Variants in GALM observed in about 807,000 individuals in gnomAD.
GALM encodes the protein aldose 1-epimerase.
GALM carries 43 observed loss-of-function variants against 37.4 expected under a neutral mutation model. The observed-to-expected ratio is 1.15, with a 90% CI of 0.90 to 1.48. The LOEUF is 1.48. Among genes scored for constraint, GALM ranks in the 40% most tolerant of loss-of-function variants. The probability of loss-of-function intolerance (pLI) is 0.00; values close to 1 mark genes in which losing one functional copy is unlikely to be tolerated. For missense variants in GALM, 456 were observed against 419.1 expected, an observed-to-expected ratio of 1.09 and a Z score of -0.77; for synonymous variants, 199 against 170.6, an observed-to-expected ratio of 1.17 and a Z score of -1.30.
At chr2:38,711,805 A>G (rs113710394) in intron 4 of GALM, among the ~76,000 whole-genome samples, 1 of 150,510 alleles carries the variant, frequency 6.6e-6, no homozygotes, top group African/African-American at 2.4e-5. Context: ...CATCACCATC[A>G]CCATCATCAT....
intron 4 of GALM, among the ~76,000 whole-genome samples, chr2:38,693,498 A>G (rs569687717): frequency 8.8e-4 from 133 of 150,564 alleles, no homozygotes; most frequent in African/African-American, 2.4e-3. Flanking sequence ...AAAAAAAAAA[A>G]AGAGAGAGAG....
At chr2:38,730,849 G>T (rs986609308) in intron 5 of GALM, among the ~76,000 whole-genome samples, 6 of 151,702 alleles carry the variant, frequency 4.0e-5, no homozygotes, top group Non-Finnish European at 8.8e-5. Flanking sequence ...TGAACCCAGG[G>T]GGTGGAAGTT....
At chr2:38,683,454 G>A (rs568515160) in intron 3 of GALM, among the ~76,000 whole-genome samples, 2 of 152,188 alleles carry the variant, frequency 1.3e-5, no homozygotes, top group African/African-American at 2.4e-5. Flanking sequence ...ATACTTATTT[G>A]TTCAGCATTC....
At chr2:38,685,694 A>C (rs1053863877) in intron 3 of GALM, among the ~76,000 whole-genome samples, 3 of 151,666 alleles carry the variant, frequency 2.0e-5, no homozygotes, top group African/African-American at 7.3e-5. Context: ...TCATAAAAAG[A>C]AGCATGCATT....
chr2:38,700,243 C>A (rs1036899178), intron 4 of GALM, among the ~76,000 whole-genome samples: 1 of 152,140 alleles, frequency 6.6e-6, no homozygotes, highest in Non-Finnish European at 1.5e-5. Flanking sequence ...TGAACCACCG[C>A]GCTCAGCCTA....
intron 4 of GALM, among the ~76,000 whole-genome samples, chr2:38,691,081 C>T (rs974927088): frequency 1.3e-5 from 2 of 152,178 alleles, no homozygotes; most frequent in Non-Finnish European, 2.9e-5. Context: ...GGCAGAATTA[C>T]TGCAGTAGAA....
At chr2:38,698,500 A>C (rs1033993106) in intron 4 of GALM, 1 of 768,640 alleles carries the variant, frequency 1.3e-6, no homozygotes, top group Non-Finnish European at 1.9e-6. Context: ...CAGAGCAATT[A>C]TTCTTAGCTA....
At chr2:38,702,406 G>C (rs747756031) in intron 4 of GALM, among the ~76,000 whole-genome samples, 3 of 151,546 alleles carry the variant, frequency 2.0e-5, no homozygotes, top group Non-Finnish European at 4.4e-5. Flanking sequence ...AAACAAAAAT[G>C]ATCTCCGAGC....
intron 1 of GALM, among the ~76,000 whole-genome samples, chr2:38,673,727 G>A (rs1219519506): frequency 6.6e-6 from 1 of 151,034 alleles, no homozygotes; most frequent in Admixed American, 6.6e-5. Flanking sequence ...GGAGAATGGC[G>A]TGAACCTGGG....
chr2:38,704,248 G>A (rs959479276), intron 4 of GALM, among the ~76,000 whole-genome samples: 3 of 151,296 alleles, frequency 2.0e-5, no homozygotes, highest in Non-Finnish European at 2.9e-5. Context: ...ATCCAGGCTG[G>A]AGTGCAGTGG....
intron 1 of GALM, among the ~76,000 whole-genome samples, chr2:38,667,545 G>A (rs1664978890): frequency 6.6e-6 from 1 of 152,092 alleles, no homozygotes; most frequent in Non-Finnish European, 1.5e-5. Flanking sequence ...ACTCCAGCGT[G>A]GGTGGCAGAG....
At chr2:38,682,467 A>G (rs1192401659) in intron 3 of GALM, among the ~76,000 whole-genome samples, 2 of 152,126 alleles carry the variant, frequency 1.3e-5, no homozygotes, top group Admixed American at 6.6e-5. Context: ...GATCTGCTGG[A>G]TTCTGTTTTC....
chr2:38,691,547 G>A (rs777618741), intron 4 of GALM, among the ~76,000 whole-genome samples: 3 of 151,682 alleles, frequency 2.0e-5, no homozygotes, highest in Admixed American at 6.6e-5. Flanking sequence ...AGCCAGGTGT[G>A]GTAACACGCA....
intron 3 of GALM, among the ~76,000 whole-genome samples, chr2:38,687,507 C>T (rs1354338773): frequency 6.6e-6 from 1 of 151,838 alleles, no homozygotes. Context: ...GTCTGGAGTT[C>T]GAGACCAGCC....
chr2:38,709,358 G>C (rs1322986490), intron 4 of GALM, among the ~76,000 whole-genome samples: 4 of 152,078 alleles, frequency 2.6e-5, no homozygotes, highest in African/African-American at 9.7e-5. Context: ...CATCCTGATG[G>C]ATCTAAGATG....
intron 4 of GALM, among the ~76,000 whole-genome samples, chr2:38,690,738 G>A (rs917599560): frequency 6.6e-5 from 10 of 152,108 alleles, no homozygotes; most frequent in African/African-American, 2.4e-4. Flanking sequence ...CGGCCACTTT[G>A]GCCTCTTTAA....
intron 4 of GALM, among the ~76,000 whole-genome samples, chr2:38,704,943 A>T (rs1427932132): frequency 6.6e-6 from 1 of 152,192 alleles, no homozygotes; most frequent in African/African-American, 2.4e-5. Context: ...ATAACTCCTG[A>T]AGCTACTCAT....
At chr2:38,679,361 C>A (rs1040438451) in intron 2 of GALM, among the ~76,000 whole-genome samples, 34 of 152,086 alleles carry the variant, frequency 2.2e-4, no homozygotes, top group African/African-American at 8.2e-4. Flanking sequence ...CCCACCGCCC[C>A]CGACACACAC....
intron 1 of GALM, among the ~76,000 whole-genome samples, chr2:38,673,690 G>A (rs1665169966): frequency 6.6e-6 from 1 of 151,746 alleles, no homozygotes; most frequent in African/African-American, 2.4e-5. Context: ...GGTGCCTGTA[G>A]TCCCAGCTAC....
Sources: gnomAD v4.1 joint callset for allele counts (sites outside exome capture counted in the v4.1 genomes callset) on GRCh38, gnomAD v4.1.1 for gene constraint, MANE v1.5 for transcripts, NCBI Gene and HGNC (gene_info 2026-07-23, HGNC 2026-07-21) for gene names.